SMAD3: variants seen among roughly 807,000 people sequenced by gnomAD.
SMAD3 encodes SMAD family member 3, also known as MAD homolog 3.
SMAD3 carries 12 observed loss-of-function variants against 51.8 expected under a neutral mutation model. The ratio of observed to expected loss-of-function variants is 0.23; its 90% CI spans 0.15 to 0.38. The LOEUF is 0.38. Among genes scored for constraint, SMAD3 ranks in the 10% least tolerant of loss-of-function variants. SMAD3 has a pLI of 1.00. For missense variants in SMAD3, 294 were observed against 565.6 expected, an observed-to-expected ratio of 0.52 and a Z score of 4.87; for synonymous variants, 238 against 227.7, an observed-to-expected ratio of 1.05 and a Z score of -0.41.
At position 67,192,288 on chromosome 15, in the gene SMAD3, C is replaced by G. The variant is rs927930948; in HGVS notation, c.*1752C>G. ...GAGGTTTCCAGGTAGGACAGCTGCT[C>G]CCCAAGCCTCCTGAGGACACAGGAA... On this transcript the variant is annotated 3_prime_UTR_variant, in exon 9 of 9. Transcript: ENST00000327367. 1 of 232,958 alleles carries G rather than the reference C, an allele frequency of 4.3e-6. No individual in the cohort carries two copies. 14.4% of individuals were successfully genotyped at this position (232,958 alleles called of 1,614,324 possible).
At chr15:67,076,747 A>G (rs1960179295) in intron 1 of SMAD3, among the ~76,000 whole-genome samples, 1 of 152,206 alleles carries the variant, frequency 6.6e-6, no homozygotes, top group African/African-American at 2.4e-5. Flanking sequence ...TCATGCTCAG[A>G]GGCCTGACCC....
intron 3 of SMAD3, among the ~76,000 whole-genome samples, chr15:67,165,863 C>T (rs1472353086): frequency 2.0e-5 from 3 of 152,230 alleles, no homozygotes; most frequent in Non-Finnish European, 1.5e-5. Context: ...TGAGTTTTCA[C>T]TCTGCAGGGA....
At chr15:67,166,742 A>C in intron 3 of SMAD3, 37 bp from the exon 4 acceptor site, 1 of 1,424,152 alleles carries the variant, frequency 7.0e-7, no homozygotes, top group Non-Finnish European at 9.7e-7. Flanking sequence ...CAAGCTGTGA[A>C]GGCCTTTTAA....
chr15:67,085,279 G>C lies in SMAD3; in HGVS notation c.206+18919G>C, dbSNP rs547395512. ...GAGGAGAGAGAATTAGAGGCAGCAG[G>C]CCTGGGTTCTAGGTCTGCCTCATTG... On this transcript the variant is annotated intron_variant, in intron 1 of 8. Transcript: ENST00000327367. 2.6e-5 allele frequency among the ~76,000 whole-genome samples: 4 copies of C among 152,268 alleles called. No homozygotes were observed. The South Asian group carries it at 8.3e-4, about 32-fold the overall frequency.
intron 1 of SMAD3, among the ~76,000 whole-genome samples, chr15:67,160,285 C>T (rs1362326344): frequency 1.3e-5 from 2 of 152,168 alleles, no homozygotes; most frequent in South Asian, 4.1e-4. Flanking sequence ...CCAGTTGTTC[C>T]ACATCCTTGC....
At position 67,121,666 on chromosome 15, in the gene SMAD3, C is replaced by T. The variant is rs1435171380; in HGVS notation, c.207-43229C>T. Among the ~76,000 whole-genome samples the T allele has an allele frequency of 3.3e-5, 5 of 152,024 alleles. No homozygotes were observed. The South Asian group carries it at 8.3e-4, about 25-fold the overall frequency. Reference sequence around the variant, plus strand: ...ACCTTCAGCCATTTAGTCTATACACCGAGAGAATGGTTTCTACAGTATGCC... The same window carrying T: ...ACCTTCAGCCATTTAGTCTATACACTGAGAGAATGGTTTCTACAGTATGCC... On this transcript the variant is annotated intron_variant, in intron 1 of 8. Transcript: ENST00000327367.
At chr15:67,164,832 ACT>A in intron 1 of SMAD3, 61 bp from the exon 2 acceptor site, 1 of 1,549,744 alleles carries the variant, frequency 6.5e-7, no homozygotes, top group Non-Finnish European at 8.9e-7. Flanking sequence ...AGGAGGCCGG[ACT>A]CTGCAGAAAG....
intron 1 of SMAD3, among the ~76,000 whole-genome samples, chr15:67,110,618 C>T (rs1454392065): frequency 6.6e-6 from 1 of 152,230 alleles, no homozygotes; most frequent in Non-Finnish European, 1.5e-5. Context: ...TTCTGCCTCT[C>T]TGTGTCTGTG....
chr15:67,157,747 C>G (rs1353676734), intron 1 of SMAD3, among the ~76,000 whole-genome samples: 2 of 152,198 alleles, frequency 1.3e-5, no homozygotes, highest in Non-Finnish European at 2.9e-5. Flanking sequence ...CAGGCTTCAC[C>G]TTCACCATCG....
intron 1 of SMAD3, among the ~76,000 whole-genome samples, chr15:67,119,495 G>T (rs1208341363): frequency 4.6e-5 from 7 of 152,168 alleles, no homozygotes; most frequent in Non-Finnish European, 1.0e-4. Context: ...AGGGACCTGG[G>T]TAAGGGCTGA....
intron 1 of SMAD3, among the ~76,000 whole-genome samples, chr15:67,083,982 G>A (rs1960330829): frequency 1.3e-5 from 2 of 151,844 alleles, no homozygotes; most frequent in African/African-American, 4.8e-5. Flanking sequence ...GACTTCCTGG[G>A]TGTTGGTCTT....
At chr15:67,176,704 C>T (rs1304519236) in intron 5 of SMAD3, among the ~76,000 whole-genome samples, 4 of 152,190 alleles carry the variant, frequency 2.6e-5, no homozygotes, top group South Asian at 4.1e-4. Context: ...CCAGCCAATG[C>T]GTTAGGCTGG....
chr15:67,097,723 A>T (rs1960645527), intron 1 of SMAD3, among the ~76,000 whole-genome samples: 1 of 152,156 alleles, frequency 6.6e-6, no homozygotes, highest in African/African-American at 2.4e-5. Flanking sequence ...GACTGAATCA[A>T]TGCTAGCAAT....
rs1400164544 is a variant in SMAD3 at position 67,088,527 on chromosome 15, AAC to A, written c.206+22171_206+22172del. Among the ~76,000 whole-genome samples, 17 of 152,264 alleles carry A rather than the reference AAC, an allele frequency of 1.1e-4. No individual in the cohort carries two copies. The East Asian group carries it at 2.9e-3, about 26-fold the overall frequency. On this transcript the variant is annotated intron_variant, in intron 1 of 8. Coordinates refer to ENST00000327367, the MANE Select transcript of SMAD3 (RefSeq NM_005902.4). ...CAAGCGGTGGGGCGGTAGCGAGGGAAACACAGTGGTGTTTGGCTGCTGCTTCA... is the reference window on the plus strand; with the variant it reads ...CAAGCGGTGGGGCGGTAGCGAGGGAAACAGTGGTGTTTGGCTGCTGCTTCA...
intron 8 of SMAD3, 100 bp from the exon 9 acceptor site, chr15:67,190,313 G>A (rs1211535710): frequency 5.3e-6 from 6 of 1,132,696 alleles, no homozygotes; most frequent in Admixed American, 1.7e-5. Flanking sequence ...GCATCTTTGG[G>A]AAGATGACTG....
intron 1 of SMAD3, among the ~76,000 whole-genome samples, chr15:67,093,703 G>A (rs879356089): frequency 5.9e-5 from 9 of 152,212 alleles, no homozygotes; most frequent in Non-Finnish European, 8.8e-5. Flanking sequence ...GAACTGGGTC[G>A]GGGTGCCTGC....
chr15:67,166,735 G>A (rs1962600087), intron 3 of SMAD3, 44 bp from the exon 4 acceptor site: 1 of 1,358,362 alleles, frequency 7.4e-7, no homozygotes, highest in African/African-American at 1.4e-5. Context: ...TCAGAGCCAA[G>A]CTGTGAAGGC....
At chr15:67,070,201 T>G (rs1960022687) in intron 1 of SMAD3, among the ~76,000 whole-genome samples, 1 of 152,182 alleles carries the variant, frequency 6.6e-6, no homozygotes, top group Admixed American at 6.5e-5. Flanking sequence ...TGTGGCCCAT[T>G]GGAAGCAAGC....
At chr15:67,087,718 C>T (rs1960424008) in intron 1 of SMAD3, among the ~76,000 whole-genome samples, 1 of 151,086 alleles carries the variant, frequency 6.6e-6, no homozygotes, top group African/African-American at 2.4e-5. Flanking sequence ...CTGTATAGAG[C>T]AAAGTATGCA....
Sources: allele counts gnomAD v4.1 joint callset (sites outside exome capture counted in the v4.1 genomes callset), GRCh38; gene constraint gnomAD v4.1.1; transcripts MANE v1.5; gene names NCBI Gene and HGNC (gene_info 2026-07-23, HGNC 2026-07-21).